UBE2U: variants seen among roughly 807,000 people sequenced by gnomAD.
The protein encoded by UBE2U is ubiquitin-conjugating enzyme E2 U.
Under a neutral mutation model 41.2 loss-of-function variants are expected in UBE2U, and 39 were observed. That is an observed-to-expected ratio of 0.95 (90% CI 0.73 to 1.24). The LOEUF is 1.24. Ranked by LOEUF, UBE2U falls within the 50% of genes most tolerant of loss-of-function variation. The pLI, the probability that UBE2U is intolerant of heterozygous loss-of-function variation, is 0.00. For missense variants in UBE2U, 336 were observed against 363.1 expected (o/e 0.93, Z 0.61); for synonymous variants, 107 against 117.8 (o/e 0.91, Z 0.60).
intron 8 of UBE2U, among the ~76,000 whole-genome samples, chr1:64,247,950 C>G (rs934338471): frequency 1.3e-5 from 2 of 151,946 alleles, no homozygotes; most frequent in Admixed American, 6.6e-5. Context: ...CACACCGGCT[C>G]CCCTTTACCT....
intron 5 of UBE2U, among the ~76,000 whole-genome samples, chr1:64,220,292 A>G (rs925251393): frequency 2.6e-5 from 4 of 151,920 alleles, no homozygotes; most frequent in African/African-American, 9.7e-5. Flanking sequence ...GAGAGAGAGC[A>G]CTGCTAATAC....
At chr1:64,250,002 T>A (rs1205934062) in intron 8 of UBE2U, among the ~76,000 whole-genome samples, 2 of 151,816 alleles carry the variant, frequency 1.3e-5, no homozygotes, top group East Asian at 3.9e-4. Flanking sequence ...AAGAGAAAAA[T>A]CTTAAAAGTA....
At chr1:64,261,484 T>C (rs555105474) in intron 9 of UBE2U, among the ~76,000 whole-genome samples, 58 of 152,160 alleles carry the variant, frequency 3.8e-4, no homozygotes, top group Non-Finnish European at 6.8e-4. Flanking sequence ...TAACAGCATA[T>C]AAATGCCAGG....
At chr1:64,224,722 C>CA (rs5774690) in intron 6 of UBE2U, among the ~76,000 whole-genome samples, 33,770 of 132,982 alleles carry the variant, frequency 0.25, 4,240 homozygotes, top group South Asian at 0.39. Context: ...GACTCTGTGT[C>CA]AAAAAAAAAA....
rs143673600 is a variant in UBE2U, at chr1:64,253,336, A to G, written c.678-7267A>G. ...GGAGAATGGAAGCAAGTTGGAAAAC[A>G]TACTTCAGGATATCATCCAGGAGAA... On this transcript the variant is annotated intron_variant, in intron 8 of 9. Transcript: ENST00000371077. Among the ~76,000 whole-genome samples, 1,132 of 152,364 alleles carry G rather than the reference A, an allele frequency of 7.4e-3. 10 individuals are homozygous for G. Among genetic ancestry groups the G allele is most frequent in the Non-Finnish European group, 0.011 (780 of 68,040 alleles).
At chr1:64,214,368 A>G (rs1226921565) in intron 4 of UBE2U, among the ~76,000 whole-genome samples, 4 of 152,192 alleles carry the variant, frequency 2.6e-5, no homozygotes, top group African/African-American at 9.7e-5. Flanking sequence ...TGGGCAATAC[A>G]AGTTGAGACC....
At chr1:64,214,590 A>G (rs1331699663) in intron 4 of UBE2U, among the ~76,000 whole-genome samples, 2 of 152,190 alleles carry the variant, frequency 1.3e-5, no homozygotes, top group African/African-American at 2.4e-5. Context: ...GGAACTTGTA[A>G]CTTGCTTTTT....
intron 8 of UBE2U, among the ~76,000 whole-genome samples, chr1:64,255,215 A>C (rs1218616423): frequency 6.6e-6 from 1 of 152,114 alleles, no homozygotes; most frequent in Non-Finnish European, 1.5e-5. Flanking sequence ...CCAAGACTGA[A>C]CCGGGAAGAA....
chr1:64,225,747 C>T lies in UBE2U; in HGVS notation c.506+4840C>T, dbSNP rs562219520. On this transcript the variant is annotated intron_variant, in intron 6 of 9. Transcript: ENST00000371077. ...TGTGAGTTGTGAGAAAAAGTGGGAC[C>T]AAGGGTAATTACTAGATTTGGGGTT... Among the ~76,000 whole-genome samples the T allele has an allele frequency of 1.0e-3, 154 of 152,232 alleles. 1 individual carries two copies. The highest frequency in any genetic ancestry group is 3.6e-3 in the African/African-American group (149 of 41,554).
intron 6 of UBE2U, among the ~76,000 whole-genome samples, chr1:64,229,237 C>T (rs1570037641): frequency 6.6e-6 from 1 of 151,890 alleles, no homozygotes; most frequent in Non-Finnish European, 1.5e-5. Context: ...TCAGGTGATC[C>T]TCTCGCCTCA....
intron 7 of UBE2U, among the ~76,000 whole-genome samples, chr1:64,237,569 G>A (rs1023433075): frequency 6.6e-5 from 10 of 152,076 alleles, no homozygotes; most frequent in Admixed American, 1.3e-4. Flanking sequence ...AGTGTCATTC[G>A]TTGAGCACCT....
At chr1:64,252,520 C>A (rs1190815344) in intron 8 of UBE2U, among the ~76,000 whole-genome samples, 1 of 152,104 alleles carries the variant, frequency 6.6e-6, no homozygotes, top group Admixed American at 6.5e-5. Flanking sequence ...GGTCAGTATC[C>A]CTCTAGGATG....
chr1:64,246,547 A>C (rs1354533932), intron 8 of UBE2U, among the ~76,000 whole-genome samples: 1 of 151,902 alleles, frequency 6.6e-6, no homozygotes, highest in Non-Finnish European at 1.5e-5. Flanking sequence ...CAAGTGAATT[A>C]GCATTAGAAT....
At chr1:64,224,042 G>A (rs1479426549) in intron 6 of UBE2U, among the ~76,000 whole-genome samples, 3 of 152,118 alleles carry the variant, frequency 2.0e-5, no homozygotes, top group African/African-American at 7.2e-5. Flanking sequence ...TGGTTGCTCG[G>A]TAATCATGAG....
At chr1:64,243,499 T>C (rs1644869591) in intron 8 of UBE2U, among the ~76,000 whole-genome samples, 1 of 152,180 alleles carries the variant, frequency 6.6e-6, no homozygotes, top group Non-Finnish European at 1.5e-5. Context: ...ACATGAGTAA[T>C]TGGTCTATAT....
At chr1:64,259,173 G>GT (rs1419004992) in intron 8 of UBE2U, among the ~76,000 whole-genome samples, 3 of 152,006 alleles carry the variant, frequency 2.0e-5, no homozygotes, top group Admixed American at 6.6e-5. Context: ...GGGGTTGTTT[G>GT]TTTTTTTCTT....
In UBE2U at chr1:64,222,876, C is replaced by T. The variant is rs185151106; in HGVS notation, c.506+1969C>T. Among the ~76,000 whole-genome samples the T allele has an allele frequency of 1.4e-4, 21 of 152,188 alleles. No individual in the cohort carries two copies. In the East Asian group the frequency reaches 2.5e-3, roughly 18 times the overall value. On this transcript the variant is annotated intron_variant, in intron 6 of 9. Coordinates refer to ENST00000371077, the MANE Select transcript of UBE2U (RefSeq NM_001366232.2). ...CAAAGATATATCCAGGCAGTTGGAC[C>T]CCCGGTTTCTAAAAGACATAGCAAA... is the stretch of plus-strand genomic sequence containing the variant.
chr1:64,249,562 C>T (rs555412003), intron 8 of UBE2U, among the ~76,000 whole-genome samples: 1 of 151,536 alleles, frequency 6.6e-6, no homozygotes, highest in East Asian at 1.9e-4. Flanking sequence ...TAAAGAAAAA[C>T]ATGAATATGA....
intron 3 of UBE2U, among the ~76,000 whole-genome samples, chr1:64,209,214 G>C (rs756246984): frequency 6.6e-6 from 1 of 152,174 alleles, no homozygotes; most frequent in South Asian, 2.1e-4. Flanking sequence ...AAATTCAATG[G>C]GGGGAGGTAC....
Sources: allele counts gnomAD v4.1 joint callset (sites outside exome capture counted in the v4.1 genomes callset), GRCh38; gene constraint gnomAD v4.1.1; transcripts MANE v1.5; gene names NCBI Gene and HGNC (gene_info 2026-07-23, HGNC 2026-07-21).